The following NTN4 variants were observed in gnomAD, a reference collection of about 807,000 sequenced individuals.
NTN4 encodes the protein netrin-4.
In NTN4, 32 loss-of-function variants were observed where a neutral mutation model predicts 73.6. That is an observed-to-expected ratio of 0.44 (90% CI 0.33 to 0.58). The LOEUF is 0.58. Among genes scored for constraint, NTN4 ranks in the 20% least tolerant of loss-of-function variants. NTN4 has a pLI of 0.04. For missense variants in NTN4, 654 were observed against 798.3 expected (o/e 0.82, Z 2.18); for synonymous variants, 258 against 287.5 (o/e 0.90, Z 1.04).
chr12:95,763,649 G>A (rs1474530522), intron 2 of NTN4, among the ~76,000 whole-genome samples: 2 of 152,018 alleles, frequency 1.3e-5, no homozygotes, highest in East Asian at 1.9e-4. Flanking sequence ...TACTAATGAC[G>A]GTATTTTCTA....
chr12:95,735,906 TTTA>T (rs1419145855), intron 3 of NTN4, among the ~76,000 whole-genome samples: 3 of 23,706 alleles, frequency 1.3e-4, no homozygotes, highest in African/African-American at 3.7e-4. Context: ...TTTTTAAATT[TTTA>T]TTTATTTATT....
chr12:95,733,403 G>A (rs2078752507), intron 3 of NTN4, among the ~76,000 whole-genome samples: 1 of 152,138 alleles, frequency 6.6e-6, no homozygotes, highest in Admixed American at 6.5e-5. Flanking sequence ...TGTCATTATT[G>A]GCAAAGAAGT....
chr12:95,790,498 G>T lies in NTN4; in HGVS notation c.-189C>A. On this transcript the variant is annotated 5_prime_UTR_variant, in exon 1 of 10. Coordinates refer to ENST00000343702, the MANE Select transcript of NTN4 (RefSeq NM_021229.4). This position sits in a 1 kb window ranked among gnomAD's most constrained non-coding sequence, Gnocchi z 6.5. ...CCAGGGGCCGGGACCGCGCGGGGAG[G>T]TGGGGTGACCCTCGCGCACCGGCCT... 1 of 453,964 alleles carries T rather than the reference G, an allele frequency of 2.2e-6. No homozygotes were observed. The highest frequency in any genetic ancestry group is 3.8e-6 in the Non-Finnish European group (1 of 261,838). 28.1% of individuals were successfully genotyped at this position (453,964 alleles called of 1,614,324 possible). A position where few individuals can be genotyped will look rare whatever the true frequency, so the allele number is the denominator to read the frequency against.
At chr12:95,739,368 C>CT (rs1311200734) in intron 2 of NTN4, among the ~76,000 whole-genome samples, 3 of 152,152 alleles carry the variant, frequency 2.0e-5, no homozygotes, top group Non-Finnish European at 4.4e-5. Context: ...AACATTGTAT[C>CT]TTAAACTCAA....
In NTN4 at chr12:95,774,044, C is replaced by G. The variant is rs116206689; in HGVS notation, c.585+12895G>C. 4.8e-3 allele frequency among the ~76,000 whole-genome samples: 732 copies of G among 152,206 alleles called. 10 individuals carry two copies. The highest frequency in any genetic ancestry group is 0.017 in the African/African-American group (713 of 41,506). ...GAGCCTTCACTTGTTATATATACTT[C>G]TTCTATCTAATGTAAAAGCAGTAAC... On this transcript the variant is annotated intron_variant, in intron 2 of 9. Coordinates refer to ENST00000343702, the MANE Select transcript of NTN4 (RefSeq NM_021229.4).
At chr12:95,696,182 G>A (rs1358577457) in intron 5 of NTN4, among the ~76,000 whole-genome samples, 4 of 151,892 alleles carry the variant, frequency 2.6e-5, no homozygotes, top group Non-Finnish European at 4.4e-5. Context: ...GAACTGATGC[G>A]GTTCATCCTG....
chr12:95,703,162 C>T (rs2121060909), intron 5 of NTN4, among the ~76,000 whole-genome samples: 1 of 151,996 alleles, frequency 6.6e-6, no homozygotes, highest in East Asian at 1.9e-4. Flanking sequence ...TGGCCCAGTT[C>T]TAACTTTTGA....
chr12:95,686,473 A>T (rs2078361859), intron 5 of NTN4, among the ~76,000 whole-genome samples: 1 of 152,044 alleles, frequency 6.6e-6, no homozygotes, highest in Non-Finnish European at 1.5e-5. Flanking sequence ...AAAGGAGGGC[A>T]AGGGGCTGGG....
At chr12:95,667,417 G>T (rs1258231651) in intron 8 of NTN4, among the ~76,000 whole-genome samples, 2 of 152,040 alleles carry the variant, frequency 1.3e-5, no homozygotes, top group Non-Finnish European at 2.9e-5. Context: ...CCATGGAAGA[G>T]TGTGTGTAAT....
intron 3 of NTN4, among the ~76,000 whole-genome samples, chr12:95,723,642 AG>A (rs1258907959): frequency 6.6e-6 from 1 of 152,016 alleles, no homozygotes; most frequent in Non-Finnish European, 1.5e-5. Flanking sequence ...CAGCCTCCTG[AG>A]TAACTGGGAT....
At chr12:95,740,316 T>C (rs549234919) in intron 2 of NTN4, among the ~76,000 whole-genome samples, 21 of 152,318 alleles carry the variant, frequency 1.4e-4, no homozygotes, top group Admixed American at 8.5e-4. Flanking sequence ...CTGTATGGCA[T>C]GAGTGAAATG....
chr12:95,752,734 G>C (rs571170683), intron 2 of NTN4, among the ~76,000 whole-genome samples: 1 of 152,148 alleles, frequency 6.6e-6, no homozygotes, highest in Non-Finnish European at 1.5e-5. Flanking sequence ...TTACATAAGA[G>C]CCAGGACCAC....
At position 95,667,630 on chromosome 12, in the gene NTN4, G is replaced by A. The variant is rs149562315; in HGVS notation, c.1580-1650C>T. Reference sequence around the variant, plus strand: ...AGCACTTTGGGAGGCTGAGGTAGGCGGATCACCTGAGGTCAGGACTTTGAG... The same window carrying A: ...AGCACTTTGGGAGGCTGAGGTAGGCAGATCACCTGAGGTCAGGACTTTGAG... On this transcript the variant is annotated intron_variant, in intron 8 of 9. Transcript: ENST00000343702. Among the ~76,000 whole-genome samples, 684 of 152,078 alleles carry A rather than the reference G, an allele frequency of 4.5e-3. 5 individuals are homozygous for A. The highest frequency in any genetic ancestry group is 0.016 in the African/African-American group (655 of 41,484).
chr12:95,707,731 G>A (rs2078530858), intron 5 of NTN4, among the ~76,000 whole-genome samples: 2 of 152,070 alleles, frequency 1.3e-5, no homozygotes, highest in South Asian at 4.1e-4. Context: ...CACATAGTAG[G>A]CGCTCAATAA....
chr12:95,752,343 G>A (rs2078914909), intron 2 of NTN4, among the ~76,000 whole-genome samples: 3 of 150,946 alleles, frequency 2.0e-5, no homozygotes, highest in Non-Finnish European at 4.4e-5. Flanking sequence ...CCACCCCGTG[G>A]TGCCAAACCC....
chr12:95,752,885 T>C (rs1465437894), intron 2 of NTN4, among the ~76,000 whole-genome samples: 2 of 152,188 alleles, frequency 1.3e-5, no homozygotes, highest in African/African-American at 2.4e-5. Flanking sequence ...TCTCTACATT[T>C]CTCATAGCTT....
At chr12:95,771,230 C>G (rs1479260115) in intron 2 of NTN4, among the ~76,000 whole-genome samples, 1 of 152,120 alleles carries the variant, frequency 6.6e-6, no homozygotes, top group Non-Finnish European at 1.5e-5. Flanking sequence ...ACCTCGAGAT[C>G]TGCCCGCCTC....
intron 2 of NTN4, among the ~76,000 whole-genome samples, chr12:95,767,947 T>A (rs2079031404): frequency 6.6e-6 from 1 of 152,208 alleles, no homozygotes; most frequent in Non-Finnish European, 1.5e-5. Context: ...TCATCCTCAA[T>A]GGCTAACTTA....
At chr12:95,778,656 G>A (rs920019700) in intron 2 of NTN4, among the ~76,000 whole-genome samples, 3 of 152,168 alleles carry the variant, frequency 2.0e-5, no homozygotes, top group Admixed American at 1.3e-4. Context: ...CTCTGAAATT[G>A]AGGCAATAAT....
Sources: gnomAD v4.1 joint callset for allele counts (sites outside exome capture counted in the v4.1 genomes callset) on GRCh38, gnomAD v4.1.1 for gene constraint, Gnocchi (gnomAD v3.1) non-coding constraint, MANE v1.5 for transcripts, NCBI Gene and HGNC (gene_info 2026-07-23, HGNC 2026-07-21) for gene names.